Variants in PCSK5 observed in about 807,000 individuals in gnomAD.
PCSK5 encodes the protein prohormone convertase 5.
Under a neutral mutation model 233.2 loss-of-function variants are expected in PCSK5, and 129 were observed. The observed-to-expected ratio is 0.55, with a 90% CI of 0.48 to 0.64. The LOEUF (loss-of-function observed/expected upper bound fraction) is 0.64, where lower values mean the gene tolerates loss of function less well. Ranked by LOEUF, PCSK5 falls within the 30% of genes least tolerant of loss-of-function variation. The pLI is 0.00. For synonymous variants in PCSK5, 825 were observed against 879.2 expected (o/e 0.94, Z 1.09); for missense variants, 2,076 against 2,430.1 (o/e 0.85, Z 3.06).
chr9:76,295,471 G>A (rs2842479), intron 26 of PCSK5, 60 bp downstream of exon 26: 329,441 of 1,513,272 alleles, frequency 0.22, 36,949 homozygotes, highest in Middle Eastern at 0.28. Flanking sequence ...CCACACAGTC[G>A]GGGCCACAGG....
chr9:76,284,052 G>A (rs577428164), intron 24 of PCSK5, among the ~76,000 whole-genome samples: 1 of 152,044 alleles, frequency 6.6e-6, no homozygotes, highest in East Asian at 1.9e-4. Flanking sequence ...GTAGCATTTG[G>A]TTAGGTGTGG....
intron 20 of PCSK5, chr9:76,205,182 A>G (rs1291757149): frequency 3.9e-6 from 2 of 518,938 alleles, no homozygotes; most frequent in Middle Eastern, 3.2e-4. Context: ...GTTTGCAGCT[A>G]TCTCACTACT....
chr9:75,900,449 G>A (rs1825976990), intron 1 of PCSK5, among the ~76,000 whole-genome samples: 1 of 151,880 alleles, frequency 6.6e-6, no homozygotes. Flanking sequence ...GAGGCTGAGG[G>A]AGCTGGATCT....
chr9:75,998,650 A>G (rs1827127667), intron 3 of PCSK5, among the ~76,000 whole-genome samples: 1 of 152,218 alleles, frequency 6.6e-6, no homozygotes, highest in Non-Finnish European at 1.5e-5. Context: ...TATTTGATCT[A>G]GTTTACATGC....
chr9:76,223,379 G>A (rs933965770), intron 20 of PCSK5, among the ~76,000 whole-genome samples: 1 of 152,184 alleles, frequency 6.6e-6, no homozygotes, highest in South Asian at 2.1e-4. Flanking sequence ...AACTTTGGAT[G>A]CTATGATACA....
In PCSK5 at chr9:76,115,774, G is replaced by A. The variant is rs544171010; in HGVS notation, c.1208+8423G>A. On this transcript the variant is annotated intron_variant, in intron 9 of 37. Coordinates refer to ENST00000674117, the MANE Select transcript of PCSK5 (RefSeq NM_001372043.1). ...TTGGATGGCTTCATCAAATATTGCT[G>A]TTTTTGTATTTGAAAATTCTCAGAT... Among the ~76,000 whole-genome samples the A allele has an allele frequency of 1.3e-5, 2 of 152,148 alleles. 1 individual carries two copies. Among genetic ancestry groups the A allele is most frequent in the South Asian group, 4.2e-4 (2 of 4,818 alleles).
intron 24 of PCSK5, among the ~76,000 whole-genome samples, chr9:76,248,268 A>C (rs1300546892): frequency 2.0e-5 from 3 of 152,154 alleles, no homozygotes; most frequent in Non-Finnish European, 4.4e-5. Context: ...GAACCAGATA[A>C]ATATTTTACA....
At chr9:76,018,329 G>A (rs894501157) in intron 3 of PCSK5, among the ~76,000 whole-genome samples, 2 of 152,144 alleles carry the variant, frequency 1.3e-5, no homozygotes, top group Non-Finnish European at 2.9e-5. Flanking sequence ...TAAAGCAGGG[G>A]TCCCCAAGCC....
intron 2 of PCSK5, among the ~76,000 whole-genome samples, chr9:75,946,888 A>G (rs1422319295): frequency 6.6e-6 from 1 of 152,184 alleles, no homozygotes; most frequent in Non-Finnish European, 1.5e-5. Flanking sequence ...GCGCCCAGCC[A>G]ATATTTAAAA....
chr9:75,931,952 A>G (rs1164511845), intron 1 of PCSK5, among the ~76,000 whole-genome samples: 1 of 152,268 alleles, frequency 6.6e-6, no homozygotes, highest in Admixed American at 6.5e-5. Flanking sequence ...AACTGTATAA[A>G]TAATCTAACA....
chr9:76,042,572 C>T (rs1183292470), intron 5 of PCSK5, among the ~76,000 whole-genome samples: 1 of 152,154 alleles, frequency 6.6e-6, no homozygotes, highest in Admixed American at 6.5e-5. Flanking sequence ...GGGAGAATAG[C>T]TTGAACCTGG....
intron 3 of PCSK5, among the ~76,000 whole-genome samples, chr9:75,991,219 T>G (rs936146985): frequency 2.0e-5 from 3 of 152,194 alleles, no homozygotes; most frequent in Non-Finnish European, 4.4e-5. Flanking sequence ...TACATCATGC[T>G]TCATAAAGGA....
At chr9:76,158,897 T>A in intron 11 of PCSK5, 86 bp from the exon 12 acceptor site, 1 of 1,082,418 alleles carries the variant, frequency 9.2e-7, no homozygotes, top group South Asian at 1.5e-5. Flanking sequence ...TTATCTTACA[T>A]TGTGTATTTA....
intron 2 of PCSK5, among the ~76,000 whole-genome samples, chr9:75,954,186 T>C (rs890670491): frequency 1.3e-5 from 2 of 152,240 alleles, no homozygotes; most frequent in African/African-American, 4.8e-5. Flanking sequence ...AGGCCTATTT[T>C]TTCCTCCTGG....
chr9:76,146,245 C>T (rs781372931), intron 10 of PCSK5, among the ~76,000 whole-genome samples: 1 of 152,056 alleles, frequency 6.6e-6, no homozygotes, highest in Admixed American at 6.6e-5. Flanking sequence ...ATTGTGATCA[C>T]TGCTGGATGT....
chr9:76,046,397 C>T (rs1463784161), intron 5 of PCSK5, among the ~76,000 whole-genome samples: 1 of 150,828 alleles, frequency 6.6e-6, no homozygotes, highest in Non-Finnish European at 1.5e-5. Context: ...AGGTTTGTCT[C>T]GAACTCTTGA....
chr9:76,249,657 A>G (rs1384721474), intron 24 of PCSK5, among the ~76,000 whole-genome samples: 1 of 152,150 alleles, frequency 6.6e-6, no homozygotes, highest in East Asian at 1.9e-4. Context: ...CAGGAAATAA[A>G]CAGGATGAGC....
At chr9:76,068,794 A>T (rs551090833) in intron 6 of PCSK5, among the ~76,000 whole-genome samples, 1 of 152,334 alleles carries the variant, frequency 6.6e-6, no homozygotes, top group East Asian at 1.9e-4. Context: ...TCATGATTTT[A>T]TCATTATGCC....
Position 76,068,062 on chromosome 9 carries a change from C to A in PCSK5, c.721+19C>A. On this transcript the variant is annotated intron_variant, in intron 6 of 37. Coordinates refer to ENST00000674117, the MANE Select transcript of PCSK5 (RefSeq NM_001372043.1). Reference sequence around the variant, plus strand: ...ATCGGAGGTATGGGAAACCAACTCACGTGGATGTAGAAATGCGCCAGTTAG... The same window carrying A: ...ATCGGAGGTATGGGAAACCAACTCAAGTGGATGTAGAAATGCGCCAGTTAG... The A allele has an allele frequency of 6.4e-7, 1 of 1,572,118 alleles. No individual in the cohort carries two copies. Among genetic ancestry groups the A allele is most frequent in the Non-Finnish European group, 8.8e-7 (1 of 1,141,668 alleles).
Sources: allele counts gnomAD v4.1 joint callset (sites outside exome capture counted in the v4.1 genomes callset), GRCh38; gene constraint gnomAD v4.1.1; transcripts MANE v1.5; gene names NCBI Gene and HGNC (gene_info 2026-07-23, HGNC 2026-07-21).